ROBO1: variants seen among roughly 807,000 people sequenced by gnomAD.
ROBO1 encodes roundabout homolog 1.
Under a neutral mutation model 195.9 loss-of-function variants are expected in ROBO1, and 149 were observed. That is an observed-to-expected ratio of 0.76 (90% CI 0.67 to 0.87). The LOEUF is 0.87. Ranked by LOEUF, ROBO1 falls within the 40% of genes least tolerant of loss-of-function variation. The pLI, the probability that ROBO1 is intolerant of heterozygous loss-of-function variation, is 0.00. For missense variants in ROBO1, 1,933 were observed against 2,068.3 expected (o/e 0.93, Z 1.27); for synonymous variants, 816 against 733.2 (o/e 1.11, Z -1.82).
At chr3:79,610,385 T>C (rs915095251) in intron 1 of ROBO1, among the ~76,000 whole-genome samples, 1 of 151,716 alleles carries the variant, frequency 6.6e-6, no homozygotes, top group African/African-American at 2.4e-5. Flanking sequence ...TCTCTCTCCC[T>C]CTCTCTCTCA....
At chr3:78,941,747 G>T (rs2040156910) in intron 3 of ROBO1, among the ~76,000 whole-genome samples, 1 of 152,176 alleles carries the variant, frequency 6.6e-6, no homozygotes, top group Non-Finnish European at 1.5e-5. Context: ...TGCTTAGTAT[G>T]GCCTGAGTAT....
chr3:78,711,393 TCCTTC>T (rs2081722141), intron 8 of ROBO1, among the ~76,000 whole-genome samples: 8 of 48,954 alleles, frequency 1.6e-4, no homozygotes, highest in South Asian at 7.6e-4. Flanking sequence ...CTTCCTTCCT[TCCTTC>T]CTTTCTTTCT....
chr3:79,757,827 A>AT (rs62921560), intron 1 of ROBO1, among the ~76,000 whole-genome samples: 1 of 151,958 alleles, frequency 6.6e-6, no homozygotes, highest in Non-Finnish European at 1.5e-5. Context: ...GCTCAATCGC[A>AT]TTTTTTATAG....
intron 4 of ROBO1, among the ~76,000 whole-genome samples, chr3:78,866,229 A>C (rs933685774): frequency 1.3e-5 from 2 of 152,244 alleles, no homozygotes; most frequent in African/African-American, 4.8e-5. Flanking sequence ...AAATTATTAT[A>C]GATGAATAAC....
chr3:79,368,217 G>A (rs1456944726), intron 2 of ROBO1, among the ~76,000 whole-genome samples: 2 of 152,190 alleles, frequency 1.3e-5, no homozygotes, highest in Non-Finnish European at 1.5e-5. Context: ...ACAGGCGTGA[G>A]CCACTGCGTA....
intron 1 of ROBO1, among the ~76,000 whole-genome samples, chr3:79,604,278 A>G (rs989093413): frequency 3.3e-5 from 5 of 152,042 alleles, no homozygotes; most frequent in African/African-American, 1.2e-4. Flanking sequence ...AGTATCTATT[A>G]CAGGTTTACC....
chr3:78,755,967 C>T (rs183649048), intron 4 of ROBO1, among the ~76,000 whole-genome samples: 2 of 152,146 alleles, frequency 1.3e-5, no homozygotes, highest in Admixed American at 1.3e-4. Flanking sequence ...ATTCATTGAT[C>T]AATGAATTCA....
At chr3:78,635,553 A>C (rs924424477) in intron 23 of ROBO1, among the ~76,000 whole-genome samples, 5 of 152,158 alleles carry the variant, frequency 3.3e-5, no homozygotes, top group African/African-American at 1.2e-4. Flanking sequence ...TCTCAAAACC[A>C]TTTGAAAATA....
intron 2 of ROBO1, among the ~76,000 whole-genome samples, chr3:79,463,559 T>G (rs1937776698): frequency 6.6e-6 from 1 of 152,188 alleles, no homozygotes; most frequent in African/African-American, 2.4e-5. Context: ...TGCTGGATTA[T>G]TTCCACATAG....
chr3:79,244,689 T>C (rs2082590433), intron 2 of ROBO1, among the ~76,000 whole-genome samples: 2 of 152,112 alleles, frequency 1.3e-5, no homozygotes, highest in Admixed American at 6.6e-5. Context: ...TTCGTATCTA[T>C]GCTCTGATTC....
intron 1 of ROBO1, among the ~76,000 whole-genome samples, chr3:79,766,075 C>T (rs1183997816): frequency 6.8e-6 from 1 of 147,738 alleles, no homozygotes; most frequent in East Asian, 2.0e-4. Context: ...AAATGAGCCT[C>T]CTGCCCTGCC....
chr3:78,948,492 G>T (rs1467935854), intron 3 of ROBO1, among the ~76,000 whole-genome samples: 1 of 152,032 alleles, frequency 6.6e-6, no homozygotes, highest in Non-Finnish European at 1.5e-5. Context: ...TCTCAATAAA[G>T]TAGGTATTGA....
intron 2 of ROBO1, among the ~76,000 whole-genome samples, chr3:79,562,036 G>A (rs1942938525): frequency 6.6e-6 from 1 of 152,050 alleles, no homozygotes; most frequent in African/African-American, 2.4e-5. Flanking sequence ...TTCTTAAATT[G>A]TCACTCTAAA....
chr3:78,656,896 GTCTC>G (rs141491832), intron 18 of ROBO1, among the ~76,000 whole-genome samples, 198 bp downstream of exon 18: 9 of 150,996 alleles, frequency 6.0e-5, no homozygotes, highest in East Asian at 1.9e-4. Flanking sequence ...CATCTAGTCT[GTCTC>G]TCTCTCTCTC....
At chr3:78,970,640 C>G (rs371406428) in intron 3 of ROBO1, among the ~76,000 whole-genome samples, 5 of 152,038 alleles carry the variant, frequency 3.3e-5, no homozygotes, top group Non-Finnish European at 7.4e-5. Flanking sequence ...CCTAAACTAA[C>G]CATAATAGTA....
chr3:79,653,284 T>A (rs1946066869), intron 1 of ROBO1, among the ~76,000 whole-genome samples: 1 of 151,900 alleles, frequency 6.6e-6, no homozygotes. Context: ...TTAAAATATT[T>A]TCTTGTCAAA....
intron 2 of ROBO1, among the ~76,000 whole-genome samples, chr3:79,291,700 A>C (rs2032260956): frequency 6.6e-6 from 1 of 152,190 alleles, no homozygotes; most frequent in African/African-American, 2.4e-5. Flanking sequence ...TTGTTATATA[A>C]ATCCTTGTGA....
At chr3:78,799,244 A>G (rs1393825152) in intron 4 of ROBO1, among the ~76,000 whole-genome samples, 1 of 152,216 alleles carries the variant, frequency 6.6e-6, no homozygotes, top group Non-Finnish European at 1.5e-5. Context: ...TTAAACACTC[A>G]GTACCATAAC....
intron 26 of ROBO1, among the ~76,000 whole-genome samples, chr3:78,624,994 A>T (rs1339592266): frequency 6.6e-6 from 1 of 152,212 alleles, no homozygotes; most frequent in Non-Finnish European, 1.5e-5. Flanking sequence ...GGGGGAAAGT[A>T]AATAAAGGGA....
Sources: allele counts gnomAD v4.1 joint callset (sites outside exome capture counted in the v4.1 genomes callset), GRCh38; gene constraint gnomAD v4.1.1; transcripts MANE v1.5; gene names NCBI Gene and HGNC (gene_info 2026-07-23, HGNC 2026-07-21).